Variants in PDE3A observed in about 807,000 individuals in gnomAD.
The protein encoded by PDE3A is phosphodiesterase 3A, also known as cGMP-inhibited 3',5'-cyclic phosphodiesterase 3A.
A neutral mutation model predicts 98.3 loss-of-function variants in PDE3A; 43 were observed. The ratio of observed to expected loss-of-function variants is 0.44; its 90% CI spans 0.34 to 0.56. The LOEUF (loss-of-function observed/expected upper bound fraction) is 0.56. Ranked by LOEUF, PDE3A falls within the 20% of genes least tolerant of loss-of-function variation. PDE3A has a pLI of 0.01. For synonymous variants in PDE3A, 663 were observed against 567.9 expected (o/e 1.17, Z -2.38); for missense variants, 1,427 against 1,440.7 (o/e 0.99, Z 0.15).
At chr12:20,509,447 C>T (rs2121110320) in intron 1 of PDE3A, among the ~76,000 whole-genome samples, 1 of 152,128 alleles carries the variant, frequency 6.6e-6, no homozygotes, top group African/African-American at 2.4e-5. Context: ...GACCTCTTTT[C>T]CAGAAGCAAT....
intron 1 of PDE3A, among the ~76,000 whole-genome samples, chr12:20,527,079 C>T (rs1474142993): frequency 2.0e-5 from 3 of 151,870 alleles, no homozygotes; most frequent in South Asian, 2.1e-4. Flanking sequence ...CTGCCATGCC[C>T]GGCTGATTTT....
chr12:20,553,108 G>A, intron 1 of PDE3A: 1 of 785,450 alleles, frequency 1.3e-6, no homozygotes, highest in South Asian at 1.8e-5. Flanking sequence ...ACTTAAACAG[G>A]TAGTGTTTCC....
chr12:20,458,559 A>G (rs996068586), intron 1 of PDE3A, among the ~76,000 whole-genome samples: 1 of 152,042 alleles, frequency 6.6e-6, no homozygotes, highest in African/African-American at 2.4e-5. Context: ...GTGACATTCA[A>G]CCTACTGCCT....
intron 1 of PDE3A, among the ~76,000 whole-genome samples, chr12:20,517,916 C>G (rs184711339): frequency 1.3e-5 from 2 of 152,264 alleles, no homozygotes; most frequent in African/African-American, 4.8e-5. Flanking sequence ...CCACAGAAAT[C>G]CACTTAGTAA....
At chr12:20,667,754 CT>C (rs1945354081) in intron 15 of PDE3A, among the ~76,000 whole-genome samples, 1 of 152,122 alleles carries the variant, frequency 6.6e-6, no homozygotes, top group Non-Finnish European at 1.5e-5. Flanking sequence ...TACTCAAGCT[CT>C]TTTTTGGTTC....
chr12:20,613,645 A>G lies in PDE3A; in HGVS notation c.1214A>G (p.Tyr405Cys), dbSNP rs577466892. 10 of 1,613,756 alleles carry G rather than the reference A, an allele frequency of 6.2e-6. No individual in the cohort carries two copies. The highest frequency in any genetic ancestry group is 1.6e-4 in the Middle Eastern group (1 of 6,084). Residue 405 changes from tyrosine (Y) to cysteine (C), a missense_variant, in exon 3 of 16, where the codon TAT becomes TGT. Physicochemically the swap from Tyr to Cys is radical, Grantham distance 194. Transcript: ENST00000359062. Reference sequence around the variant, plus strand: ...CCCGTCACTTCGCTCAGTGAAAACTATACCTGTTCTGACTCTGAAGAGAGC... The same window carrying G: ...CCCGTCACTTCGCTCAGTGAAAACTGTACCTGTTCTGACTCTGAAGAGAGC... ...VNPVTSLSEN[Y>C]TCSDSEESSE...
At chr12:20,654,871 CA>C (rs1461123360) in intron 15 of PDE3A, among the ~76,000 whole-genome samples, 3 of 152,002 alleles carry the variant, frequency 2.0e-5, no homozygotes, top group Non-Finnish European at 2.9e-5. Context: ...AAAGACCAGT[CA>C]TAGGTTTTTA....
Position 20,400,379 on chromosome 12 carries a change from G to GTTTTTTTTTTTT in PDE3A, c.960+30169_960+30180dup, listed in dbSNP as rs75851941. On this transcript the variant is annotated intron_variant, in intron 1 of 15. Transcript: ENST00000359062. ...AGCTCATGTTGACTCGTTAACATTG[G>GTTTTTTTTTTTT]TTTTTTTTTTTTTTTTTTTTTTTTT... 5.6e-4 allele frequency among the ~76,000 whole-genome samples: 62 copies of GTTTTTTTTTTTT among 110,256 alleles called. 2 individuals are homozygous for GTTTTTTTTTTTT. The highest frequency in any genetic ancestry group is 8.0e-4 in the Non-Finnish European group (46 of 57,386). 72.3% of individuals were successfully genotyped at this position (110,256 alleles called of 152,430 possible). A position where few individuals can be genotyped will look rare whatever the true frequency, so the allele number is the denominator to read the frequency against.
intron 1 of PDE3A, among the ~76,000 whole-genome samples, chr12:20,500,960 G>T (rs558445785): frequency 8.6e-4 from 130 of 152,034 alleles, no homozygotes; most frequent in African/African-American, 3.0e-3. Context: ...TAAAGATGGG[G>T]TGTCATCATG....
Position 20,431,594 on chromosome 12 carries a change from A to AACACACACAC in PDE3A, c.960+61369_960+61378dup, listed in dbSNP as rs35221225. Among the ~76,000 whole-genome samples, 46 of 146,852 alleles carry AACACACACAC rather than the reference A, an allele frequency of 3.1e-4. 1 individual carries two copies. Among genetic ancestry groups the AACACACACAC allele is most frequent in the African/African-American group, 1.1e-3 (42 of 39,710 alleles). ...CTGTCAAATAGTGACTAGTCAGGAA[A>AACACACACAC]ACACACACACACACACACACACACA... On this transcript the variant is annotated intron_variant, in intron 1 of 15. Transcript: ENST00000359062.
chr12:20,651,686 C>T (rs1944920123), intron 14 of PDE3A, among the ~76,000 whole-genome samples: 1 of 152,148 alleles, frequency 6.6e-6, no homozygotes, highest in Non-Finnish European at 1.5e-5. Flanking sequence ...AATAAATTGA[C>T]TGTCATTGGA....
At chr12:20,538,255 C>T (rs934207882) in intron 1 of PDE3A, among the ~76,000 whole-genome samples, 1 of 152,008 alleles carries the variant, frequency 6.6e-6, no homozygotes, top group African/African-American at 2.4e-5. Flanking sequence ...TTTATGGCTT[C>T]AGGATGTTGG....
At chr12:20,538,474 T>C (rs1010616634) in intron 1 of PDE3A, among the ~76,000 whole-genome samples, 87 of 152,272 alleles carry the variant, frequency 5.7e-4, no homozygotes, top group Non-Finnish European at 1.8e-4. Flanking sequence ...AGGACTGTGT[T>C]CCATGATCTC....
chr12:20,570,335 G>C (rs1942768439), intron 2 of PDE3A, among the ~76,000 whole-genome samples: 1 of 144,946 alleles, frequency 6.9e-6, no homozygotes, highest in Non-Finnish European at 1.5e-5. Flanking sequence ...TTGAACCCAG[G>C]AGGTGGAGGT....
rs1457987970 is a variant in PDE3A at position 20,369,916 on chromosome 12, G to T, written c.632G>T (p.Gly211Val). 1 of 1,613,370 alleles carries T rather than the reference G, an allele frequency of 6.2e-7. No individual in the cohort carries two copies. Among genetic ancestry groups the T allele is most frequent in the Non-Finnish European group, 8.5e-7 (1 of 1,180,006 alleles). ...TGGCTGGTGCTGAGGCTGAGGCTGG[G>T]CGTCCTCATGATCGCCTTGACTAGC... ...ATWLVLRLRL[G>V]VLMIALTSAV... Residue 211 changes from glycine (G) to valine (V), a missense_variant, in exon 1 of 16, where the codon GGC becomes GTC. Transcript: ENST00000359062.
chr12:20,534,141 C>T (rs559211813), intron 1 of PDE3A, among the ~76,000 whole-genome samples: 4 of 152,206 alleles, frequency 2.6e-5, no homozygotes, highest in Non-Finnish European at 5.9e-5. Context: ...GAAACAGATA[C>T]TTTAAGGGTT....
At chr12:20,677,766 A>T (rs7960372) in intron 15 of PDE3A, among the ~76,000 whole-genome samples, 9,300 of 152,026 alleles carry the variant, frequency 0.061, 317 homozygotes, top group African/African-American at 0.099. Flanking sequence ...TTTGTCAGGG[A>T]AACTTTTTCT....
intron 15 of PDE3A, among the ~76,000 whole-genome samples, chr12:20,676,681 A>G (rs1945650518): frequency 6.6e-6 from 1 of 151,932 alleles, no homozygotes; most frequent in East Asian, 1.9e-4. Context: ...TTGTATTTTT[A>G]GTAGAGATGG....
At chr12:20,566,695 T>C (rs7953797) in intron 2 of PDE3A, among the ~76,000 whole-genome samples, 33,612 of 151,732 alleles carry the variant, frequency 0.22, 4,179 homozygotes, top group African/African-American at 0.33. Context: ...AGAAGTTGTC[T>C]ATCAAAGATG....
Sources: allele counts gnomAD v4.1 joint callset (sites outside exome capture counted in the v4.1 genomes callset), GRCh38; gene constraint gnomAD v4.1.1; transcripts MANE v1.5; gene names NCBI Gene and HGNC (gene_info 2026-07-23, HGNC 2026-07-21).